CATSPERE: variants seen among roughly 807,000 people sequenced by gnomAD.
CATSPERE encodes the protein catsper channel auxiliary subunit epsilon.
CATSPERE carries 93 observed loss-of-function variants against 114.1 expected under a neutral mutation model. The ratio of observed to expected loss-of-function variants is 0.81; its 90% confidence interval spans 0.69 to 0.97. The LOEUF (loss-of-function observed/expected upper bound fraction) is 0.97. Among genes scored for constraint, CATSPERE ranks in the 50% least tolerant of loss-of-function variants. The pLI is 0.00. For missense variants in CATSPERE, 1,058 were observed against 1,131.6 expected (o/e 0.93, Z 0.93); for synonymous variants, 341 against 384.1 (o/e 0.89, Z 1.31).
chr1:244,621,994 C>T (rs1034102977), intron 20 of CATSPERE, among the ~76,000 whole-genome samples: 2 of 152,198 alleles, frequency 1.3e-5, no homozygotes, highest in Non-Finnish European at 2.9e-5. Context: ...CACAAATGTA[C>T]TTATTAGGCC....
chr1:244,582,870 A>T (rs1385601210), intron 12 of CATSPERE, among the ~76,000 whole-genome samples: 1 of 61,186 alleles, frequency 1.6e-5, no homozygotes, highest in African/African-American at 4.8e-5. Flanking sequence ...CAAATAAGTA[A>T]TTTCAAATAC....
chr1:244,466,472 C>T (rs1667619383), intron 2 of CATSPERE, among the ~76,000 whole-genome samples: 1 of 152,110 alleles, frequency 6.6e-6, no homozygotes, highest in Admixed American at 6.6e-5. Context: ...AGGCAGAATC[C>T]AGCCAGTACA....
chr1:244,579,287 A>T (rs1250457522), intron 11 of CATSPERE, among the ~76,000 whole-genome samples: 2 of 152,088 alleles, frequency 1.3e-5, no homozygotes, highest in African/African-American at 4.8e-5. Context: ...GCACCTTTAC[A>T]TTTGTTTATA....
At chr1:244,534,646 T>C (rs559261160) in intron 8 of CATSPERE, among the ~76,000 whole-genome samples, 2 of 152,120 alleles carry the variant, frequency 1.3e-5, no homozygotes, top group Non-Finnish European at 2.9e-5. Context: ...TTAATTTATC[T>C]GATAGGATCC....
upstream of CATSPERE, among the ~76,000 whole-genome samples, chr1:244,452,961 C>T (rs976281535): frequency 2.9e-4 from 44 of 152,110 alleles, no homozygotes; most frequent in African/African-American, 1.0e-3. Context: ...TTATATGTAC[C>T]GTCTCCCAAA....
chr1:244,507,089 CT>C (rs927914853), intron 7 of CATSPERE, among the ~76,000 whole-genome samples: 8 of 151,568 alleles, frequency 5.3e-5, no homozygotes, highest in South Asian at 2.1e-4. Flanking sequence ...GGTTTTCATT[CT>C]TTTTTTTTAT....
chr1:244,580,048 T>G (rs1665929871), intron 11 of CATSPERE, among the ~76,000 whole-genome samples: 1 of 151,970 alleles, frequency 6.6e-6, no homozygotes, highest in Non-Finnish European at 1.5e-5. Context: ...CAAAGGCACA[T>G]TTTTTTGAGA....
intron 11 of CATSPERE, among the ~76,000 whole-genome samples, 168 bp downstream of exon 11, chr1:244,572,940 A>G (rs1231732874): frequency 6.6e-6 from 1 of 151,962 alleles, no homozygotes; most frequent in Non-Finnish European, 1.5e-5. Flanking sequence ...CCAAGCCATT[A>G]TTTTTGCTTT....
rs1387401568 is a variant in CATSPERE, at chr1:244,524,183, T to A, written c.536+5485T>A. Among the ~76,000 whole-genome samples the A allele has an allele frequency of 5.5e-3, 744 of 134,484 alleles. 35 individuals are homozygous for A. Among genetic ancestry groups the A allele is most frequent in the African/African-American group, 0.016 (480 of 29,874 alleles). 88.2% of individuals were successfully genotyped at this position (134,484 alleles called of 152,430 possible). ...GAACAGAGCCCTCAGAAATAACGCT[T>A]CATATCTACAACCATCTGATCTTTG... On this transcript the variant is annotated intron_variant, in intron 8 of 21. Coordinates refer to ENST00000366534, the MANE Select transcript of CATSPERE (RefSeq NM_001130957.2).
At chr1:244,496,412 G>T (rs903823589) in intron 6 of CATSPERE, among the ~76,000 whole-genome samples, 3 of 152,202 alleles carry the variant, frequency 2.0e-5, no homozygotes, top group East Asian at 1.9e-4. Context: ...ACTGGCCAAT[G>T]ATGGATGGGT....
At chr1:244,563,092 C>T (rs763227571) in intron 10 of CATSPERE, among the ~76,000 whole-genome samples, 2 of 152,184 alleles carry the variant, frequency 1.3e-5, no homozygotes, top group Non-Finnish European at 2.9e-5. Flanking sequence ...GCATAGTATT[C>T]CATGGTGTAT....
At chr1:244,557,000 C>T (rs1661685496) in intron 9 of CATSPERE, among the ~76,000 whole-genome samples, 1 of 152,068 alleles carries the variant, frequency 6.6e-6, no homozygotes. Flanking sequence ...GGATTGTGTT[C>T]TTTGCATTAT....
chr1:244,626,854 T>C (rs904645787), intron 20 of CATSPERE, among the ~76,000 whole-genome samples: 3 of 152,250 alleles, frequency 2.0e-5, no homozygotes, highest in Admixed American at 6.5e-5. Flanking sequence ...ACTTTCTCTA[T>C]ATCCGTAATA....
Position 244,640,291 on chromosome 1 carries a change from C to A in CATSPERE, c.*210C>A. ...TGTTATTAAATTAATCCTTTGTTTG[C>A]CTTCATTTTAAAGATACTCTATGTA... On this transcript the variant is annotated 3_prime_UTR_variant, in exon 22 of 22. Transcript: ENST00000366534. The A allele has an allele frequency of 2.6e-6, 1 of 379,488 alleles. No individual in the cohort carries two copies. Among genetic ancestry groups the A allele is most frequent in the Non-Finnish European group, 4.7e-6 (1 of 213,296 alleles). 23.5% of individuals were successfully genotyped at this position (379,488 alleles called of 1,614,324 possible).
chr1:244,578,461 T>A (rs1276160962), intron 11 of CATSPERE, among the ~76,000 whole-genome samples: 1 of 152,054 alleles, frequency 6.6e-6, no homozygotes, highest in Non-Finnish European at 1.5e-5. Context: ...GTGGTATAAC[T>A]TTTGACTCCC....
chr1:244,593,591 T>G lies in CATSPERE; in HGVS notation c.2303+13T>G. ...CTGTGGTTCAACTGTAAGTATATTC[T>G]CATCAACATTTTAACTTATATTGAA... On this transcript the variant is annotated intron_variant, in intron 17 of 21. Coordinates refer to ENST00000366534, the MANE Select transcript of CATSPERE (RefSeq NM_001130957.2). 6.3e-7 allele frequency: 1 copy of G among 1,596,748 alleles called. No individual in the cohort carries two copies. Among genetic ancestry groups the G allele is most frequent in the South Asian group, 1.1e-5 (1 of 88,838 alleles).
At chr1:244,465,781 A>T (rs1667506826) in intron 2 of CATSPERE, among the ~76,000 whole-genome samples, 1 of 152,168 alleles carries the variant, frequency 6.6e-6, no homozygotes, top group African/African-American at 2.4e-5. Flanking sequence ...TTTGATTGGG[A>T]TTGCACTTGG....
chr1:244,538,427 C>T (rs1038582763), intron 8 of CATSPERE, among the ~76,000 whole-genome samples: 3 of 152,108 alleles, frequency 2.0e-5, no homozygotes, highest in Non-Finnish European at 2.9e-5. Context: ...TAAGTAAGTG[C>T]TTATAGAAGA....
chr1:244,451,949 G>T, upstream of CATSPERE: 1 of 966,160 alleles, frequency 1.0e-6, no homozygotes, highest in Non-Finnish European at 1.4e-6. This position sits in a 1 kb window ranked among gnomAD's most constrained non-coding sequence, Gnocchi z 6.6. Flanking sequence ...CCGCCCCGCC[G>T]GGCCGCCACC....
Sources: gnomAD v4.1 joint callset for allele counts (sites outside exome capture counted in the v4.1 genomes callset) on GRCh38, gnomAD v4.1.1 for gene constraint, Gnocchi (gnomAD v3.1) non-coding constraint, MANE v1.5 for transcripts, NCBI Gene and HGNC (gene_info 2026-07-23, HGNC 2026-07-21) for gene names.